BMS1: variants seen among roughly 807,000 people sequenced by gnomAD.
The protein encoded by BMS1 is BMS1 ribosome biogenesis factor.
BMS1 carries 53 observed loss-of-function variants against 138.7 expected under a neutral mutation model. The observed-to-expected ratio is 0.38, with a 90% CI of 0.31 to 0.48. BMS1 has a LOEUF of 0.48. BMS1 is among the 20% of genes least tolerant of loss of function. The probability of loss-of-function intolerance (pLI) is 0.97; values close to 1 mark genes in which losing one functional copy is unlikely to be tolerated. For missense variants in BMS1, 1,360 were observed against 1,565.5 expected, an observed-to-expected ratio of 0.87 and a Z score of 2.22; for synonymous variants, 504 against 539.9, an observed-to-expected ratio of 0.93 and a Z score of 0.92.
At chr10:42,808,641 A>G (rs1842082256) in intron 13 of BMS1, among the ~76,000 whole-genome samples, 2 of 151,998 alleles carry the variant, frequency 1.3e-5, no homozygotes, top group South Asian at 2.1e-4. Context: ...CCAGTTTTTT[A>G]TAGTATTTTT....
rs1267866777 is a variant in BMS1, at chr10:42,831,203, A to T, written c.*107A>T. 3.4e-6 allele frequency: 4 copies of T among 1,175,388 alleles called. No individual in the cohort carries two copies. Among genetic ancestry groups the T allele is most frequent in the Non-Finnish European group, 4.7e-6 (4 of 843,516 alleles). 72.8% of individuals were successfully genotyped at this position (1,175,388 alleles called of 1,614,324 possible). A position where few individuals can be genotyped will look rare whatever the true frequency, so the allele number is the denominator to read the frequency against. ...AAGTCAGTGGGAAAGAGCTCAAGAG[A>T]TGTCTCTACTCAAACTGTGCCTGCA... On this transcript the variant is annotated 3_prime_UTR_variant, in exon 23 of 23. Transcript: ENST00000374518.
chr10:42,796,407 A>G (rs544449715), intron 9 of BMS1, 67 bp from the exon 10 acceptor site: 96 of 1,469,162 alleles, frequency 6.5e-5, no homozygotes, highest in South Asian at 6.5e-4. Context: ...CATTGACTAT[A>G]TTGCCATTTC....
intron 11 of BMS1, 26 bp from the exon 12 acceptor site, chr10:42,798,442 C>A: frequency 6.2e-7 from 1 of 1,613,708 alleles, no homozygotes; most frequent in Non-Finnish European, 8.5e-7. Context: ...TTTGTTCTCA[C>A]TTTTCTGCCA....
intron 15 of BMS1, among the ~76,000 whole-genome samples, chr10:42,819,813 A>G (rs545473936): frequency 6.6e-6 from 1 of 151,900 alleles, no homozygotes; most frequent in African/African-American, 2.4e-5. Context: ...GTTTTTTGAG[A>G]TGGAATCTCG....
At chr10:42,792,388 A>T in intron 6 of BMS1, 105 bp from the exon 7 acceptor site, 1 of 1,463,000 alleles carries the variant, frequency 6.8e-7, no homozygotes, top group Non-Finnish European at 9.2e-7. Flanking sequence ...TAGTTTTCTA[A>T]ATGACGTGCT....
chr10:42,824,790 T>A (rs1271686001), intron 21 of BMS1, among the ~76,000 whole-genome samples: 1 of 152,210 alleles, frequency 6.6e-6, no homozygotes, highest in African/African-American at 2.4e-5. Context: ...CAAAAATTAG[T>A]TGACAGTATA....
chr10:42,787,057 A>G, intron 3 of BMS1, 111 bp from the exon 4 acceptor site: 2 of 811,836 alleles, frequency 2.5e-6, no homozygotes, highest in South Asian at 2.8e-5. Flanking sequence ...ATGCTCCTGT[A>G]AATGTATATG....
At chr10:42,791,120 G>GT (rs1257397079) in intron 5 of BMS1, among the ~76,000 whole-genome samples, 2 of 151,878 alleles carry the variant, frequency 1.3e-5, no homozygotes, top group Non-Finnish European at 2.9e-5. Flanking sequence ...TTGTGTATGT[G>GT]TTCAGTCTTT....
chr10:42,816,720 G>A, intron 14 of BMS1, 48 bp downstream of exon 14: 1 of 1,477,552 alleles, frequency 6.8e-7, no homozygotes. Context: ...TGTTCTGAGA[G>A]AGGCCCACAT....
In BMS1 at chr10:42,832,200, G is replaced by A. The variant is rs1842813777; in HGVS notation, c.*1104G>A. On this transcript the variant is annotated 3_prime_UTR_variant, in exon 23 of 23. Transcript: ENST00000374518. ...AGCACTTTGGGATGCTAAGGCAGGA[G>A]GATCACTTGAGCCCAGGAATTTGAG... 6.6e-6 allele frequency: 1 copy of A among 152,190 alleles called. No homozygotes were observed. The highest frequency in any genetic ancestry group is 2.1e-4 in the South Asian group (1 of 4,828). 9.4% of individuals were successfully genotyped at this position (152,190 alleles called of 1,614,324 possible). A position where few individuals can be genotyped will look rare whatever the true frequency, so the allele number is the denominator to read the frequency against.
chr10:42,809,976 T>G (rs1008773210), intron 13 of BMS1, among the ~76,000 whole-genome samples: 2 of 92,250 alleles, frequency 2.2e-5, no homozygotes, highest in Non-Finnish European at 4.3e-5. Context: ...TTTTTTTTTG[T>G]AGAGCCAGGT....
chr10:42,787,838 C>T lies in BMS1; in HGVS notation c.447+591C>T, dbSNP rs369318870. On this transcript the variant is annotated intron_variant, in intron 4 of 22. Coordinates refer to ENST00000374518, the MANE Select transcript of BMS1 (RefSeq NM_014753.4). Reference sequence around the variant, plus strand: ...TCAGTTTATCAATAAAAAGTCTAGACAGTCCTCAGTGTATGGAAAATGTAA... The same window carrying T: ...TCAGTTTATCAATAAAAAGTCTAGATAGTCCTCAGTGTATGGAAAATGTAA... Among the ~76,000 whole-genome samples, 110 of 152,246 alleles carry T rather than the reference C, an allele frequency of 7.2e-4. 1 individual carries two copies. The South Asian group carries it at 0.022, about 31-fold the overall frequency.
At chr10:42,808,057 C>A (rs1842060918) in intron 13 of BMS1, among the ~76,000 whole-genome samples, 2 of 151,908 alleles carry the variant, frequency 1.3e-5, no homozygotes, top group South Asian at 4.1e-4. Flanking sequence ...AGCATTTTTT[C>A]ATGTGTTTAT....
intron 5 of BMS1, 100 bp downstream of exon 5, chr10:42,790,611 T>C: frequency 7.6e-7 from 1 of 1,307,268 alleles, no homozygotes; most frequent in Non-Finnish European, 1.1e-6. Context: ...CCCAGCACTT[T>C]GCAAGGCAGA....
intron 21 of BMS1, among the ~76,000 whole-genome samples, chr10:42,824,279 C>T (rs1427759244): frequency 2.0e-5 from 3 of 152,188 alleles, no homozygotes; most frequent in Non-Finnish European, 4.4e-5. Flanking sequence ...TTTTAATATA[C>T]ATCTCCCCAT....
At position 42,804,649 on chromosome 10, in the gene BMS1, G is replaced by A. The variant is rs142154041; in HGVS notation, c.2329+2431G>A. On this transcript the variant is annotated intron_variant, in intron 13 of 22. Transcript: ENST00000374518. ...ATCCAATTATTTTTGCCTAGCGTGT[G>A]CCTTGTCTTTTCTATTTTTAATAGT... Among the ~76,000 whole-genome samples, 512 of 152,116 alleles carry A rather than the reference G, an allele frequency of 3.4e-3. 1 individual carries two copies. The highest frequency in any genetic ancestry group is 0.012 in the African/African-American group (489 of 41,492).
intron 15 of BMS1, among the ~76,000 whole-genome samples, 178 bp downstream of exon 15, chr10:42,817,672 T>C (rs1842388519): frequency 6.6e-6 from 1 of 152,188 alleles, no homozygotes; most frequent in Non-Finnish European, 1.5e-5. Flanking sequence ...AGTGAGCTCA[T>C]TGTTTCTGCA....
Position 42,832,855 on chromosome 10 carries a change from C to T in BMS1, c.*1759C>T, listed in dbSNP as rs1418338600. 6.6e-6 allele frequency: 1 copy of T among 152,088 alleles called. No individual in the cohort carries two copies. The highest frequency in any genetic ancestry group is 1.5e-5 in the Non-Finnish European group (1 of 68,014). 9.4% of individuals were successfully genotyped at this position (152,088 alleles called of 1,614,324 possible). On this transcript the variant is annotated 3_prime_UTR_variant, in exon 23 of 23. Transcript: ENST00000374518. ...GGCCTGGGGACTGACACATAGTAAG[C>T]CCATAACAATTATAATTTAAAACTA...
chr10:42,802,848 T>C (rs1311915616), intron 13 of BMS1, among the ~76,000 whole-genome samples: 1 of 151,886 alleles, frequency 6.6e-6, no homozygotes, highest in Non-Finnish European at 1.5e-5. Flanking sequence ...AGTCACAATT[T>C]TTTCAATATC....
Sources: gnomAD v4.1 joint callset for allele counts (sites outside exome capture counted in the v4.1 genomes callset) on GRCh38, gnomAD v4.1.1 for gene constraint, MANE v1.5 for transcripts, NCBI Gene and HGNC (gene_info 2026-07-23, HGNC 2026-07-21) for gene names.